MINDY3: variants seen among roughly 807,000 people sequenced by gnomAD.
The protein encoded by MINDY3 is ubiquitin carboxyl-terminal hydrolase MINDY-3.
A neutral mutation model predicts 69.2 loss-of-function variants in MINDY3; 38 were observed. The ratio of observed to expected loss-of-function variants is 0.55; its 90% CI spans 0.42 to 0.72. The LOEUF is 0.72. Among genes scored for constraint, MINDY3 ranks in the 30% least tolerant of loss-of-function variants. MINDY3 has a pLI of 0.00. For missense variants in MINDY3, 522 were observed against 519.0 expected, an observed-to-expected ratio of 1.01 and a Z score of -0.06; for synonymous variants, 192 against 180.1, an observed-to-expected ratio of 1.07 and a Z score of -0.53.
At chr10:15,832,237 T>A (rs1438030659) in intron 8 of MINDY3, among the ~76,000 whole-genome samples, 1 of 151,922 alleles carries the variant, frequency 6.6e-6, no homozygotes, top group Non-Finnish European at 1.5e-5. Flanking sequence ...GTAAGAAGTA[T>A]CAAGGACAGA....
intron 2 of MINDY3, among the ~76,000 whole-genome samples, chr10:15,844,419 T>A (rs1168275883): frequency 2.6e-5 from 4 of 152,220 alleles, no homozygotes. Context: ...CCCATCTTTT[T>A]TAATATCTAG....
intron 10 of MINDY3, among the ~76,000 whole-genome samples, chr10:15,816,277 A>G (rs1171155619): frequency 1.4e-5 from 2 of 141,252 alleles, no homozygotes; most frequent in African/African-American, 6.3e-5. Context: ...AAAAAAAAAA[A>G]AAATGAAAAA....
chr10:15,812,513 A>G (rs754329367), intron 10 of MINDY3, among the ~76,000 whole-genome samples: 17 of 152,212 alleles, frequency 1.1e-4, no homozygotes, highest in Non-Finnish European at 2.2e-4. Flanking sequence ...CCTTTGGCAT[A>G]AAGAATAGAT....
At chr10:15,833,583 G>T (rs777971741) in intron 8 of MINDY3, 47 bp downstream of exon 8, 2 of 1,193,238 alleles carry the variant, frequency 1.7e-6, no homozygotes, top group Admixed American at 3.4e-5. Flanking sequence ...GTATTCCAAT[G>T]AAATATTATT....
intron 1 of MINDY3, 102 bp from the exon 2 acceptor site, chr10:15,848,045 A>T: frequency 1.1e-6 from 1 of 891,816 alleles, no homozygotes; most frequent in Non-Finnish European, 1.8e-6. Flanking sequence ...TTATCACAAC[A>T]GCAAAATATC....
chr10:15,789,168 A>G, intron 12 of MINDY3, 79 bp downstream of exon 12: 1 of 1,176,428 alleles, frequency 8.5e-7, no homozygotes, highest in Non-Finnish European at 1.2e-6. Flanking sequence ...ATTTTTAAAA[A>G]GGCAAAAAAT....
chr10:15,794,227 C>CT (rs1198965774), intron 11 of MINDY3, among the ~76,000 whole-genome samples: 1 of 152,036 alleles, frequency 6.6e-6, no homozygotes, highest in African/African-American at 2.4e-5. Context: ...TATGTAAATG[C>CT]TTGTAAGAAC....
chr10:15,845,117 T>A (rs1349720060), intron 2 of MINDY3, among the ~76,000 whole-genome samples: 1 of 152,246 alleles, frequency 6.6e-6, no homozygotes, highest in Non-Finnish European at 1.5e-5. Context: ...TTAAGTTTCT[T>A]ATTGTTAAAT....
intron 8 of MINDY3, among the ~76,000 whole-genome samples, chr10:15,824,701 C>A (rs1839977280): frequency 6.6e-6 from 1 of 152,166 alleles, no homozygotes; most frequent in Non-Finnish European, 1.5e-5. Flanking sequence ...TTTCTAAAAT[C>A]AGTTACCACC....
At chr10:15,856,627 T>G (rs1363086613) in intron 1 of MINDY3, among the ~76,000 whole-genome samples, 1 of 152,174 alleles carries the variant, frequency 6.6e-6, no homozygotes, top group African/African-American at 2.4e-5. Flanking sequence ...ACACCCATAC[T>G]AACCATGGCT....
intron 12 of MINDY3, among the ~76,000 whole-genome samples, chr10:15,787,988 G>C (rs1361330846): frequency 6.6e-6 from 1 of 151,902 alleles, no homozygotes; most frequent in African/African-American, 2.4e-5. Flanking sequence ...TGAATCAATT[G>C]TACTAACTTC....
At position 15,778,848 on chromosome 10, in the gene MINDY3, T is replaced by C; in HGVS notation, c.*144A>G. The stretch of plus-strand genomic sequence containing the variant: ...CTTTAGGACAAATAATTTAAACATA[T>C]CATAAACACTGAAAATGTGTTTTTA... On this transcript the variant is annotated 3_prime_UTR_variant, in exon 15 of 15. Coordinates refer to ENST00000277632, the MANE Select transcript of MINDY3 (RefSeq NM_024948.4). 3.1e-6 allele frequency: 2 copies of C among 641,954 alleles called. No homozygotes were observed. Among genetic ancestry groups the C allele is most frequent in the East Asian group, 2.9e-5 (1 of 34,774 alleles). The allele number at this position is 641,954 out of a possible 1,614,324, so 39.8% of individuals were successfully genotyped here.
At chr10:15,786,806 T>A (rs974863248) in intron 12 of MINDY3, among the ~76,000 whole-genome samples, 158 bp from the exon 13 acceptor site, 1 of 152,174 alleles carries the variant, frequency 6.6e-6, no homozygotes, top group Non-Finnish European at 1.5e-5. Flanking sequence ...AGGAATGACA[T>A]CTAATTTGCC....
chr10:15,805,658 A>G (rs911322605), intron 10 of MINDY3, among the ~76,000 whole-genome samples: 2 of 152,160 alleles, frequency 1.3e-5, no homozygotes, highest in Non-Finnish European at 2.9e-5. Flanking sequence ...CCTCATTGAC[A>G]TCAGATTCAG....
chr10:15,815,064 A>C (rs1839263370), intron 10 of MINDY3, among the ~76,000 whole-genome samples: 1 of 152,232 alleles, frequency 6.6e-6, no homozygotes, highest in Non-Finnish European at 1.5e-5. Flanking sequence ...TCCTTAAAGA[A>C]TAAGGTTGCA....
intron 8 of MINDY3, among the ~76,000 whole-genome samples, chr10:15,830,605 C>A (rs1218853878): frequency 6.6e-6 from 1 of 152,178 alleles, no homozygotes; most frequent in African/African-American, 2.4e-5. Context: ...ACCTGAGAGG[C>A]AGATATCTGC....
intron 3 of MINDY3, 50 bp downstream of exon 3, chr10:15,843,162 T>C (rs766716939): frequency 1.4e-6 from 2 of 1,399,830 alleles, no homozygotes; most frequent in Non-Finnish European, 2.0e-6. Context: ...TTAGATCATC[T>C]CTATTAAAAC....
At chr10:15,809,403 C>T (rs539246116) in intron 10 of MINDY3, among the ~76,000 whole-genome samples, 3 of 152,196 alleles carry the variant, frequency 2.0e-5, no homozygotes, top group Non-Finnish European at 4.4e-5. Context: ...TTTCAAAATA[C>T]ATTTCTTTTT....
At chr10:15,814,983 A>G (rs1392350521) in intron 10 of MINDY3, among the ~76,000 whole-genome samples, 2 of 152,160 alleles carry the variant, frequency 1.3e-5, no homozygotes, top group Non-Finnish European at 2.9e-5. Context: ...TTAAACATCA[A>G]TTATAAAATT....
Sources: allele counts gnomAD v4.1 joint callset (sites outside exome capture counted in the v4.1 genomes callset), GRCh38; gene constraint gnomAD v4.1.1; transcripts MANE v1.5; gene names NCBI Gene and HGNC (gene_info 2026-07-23, HGNC 2026-07-21).